The following MDFIC variants were observed in gnomAD, a reference collection of about 807,000 sequenced individuals.
MDFIC encodes the protein MyoD family inhibitor domain containing, also known as myoD family inhibitor domain-containing protein.
Under a neutral mutation model 23.2 loss-of-function variants are expected in MDFIC, and 17 were observed. The observed-to-expected ratio is 0.73, with a 90% confidence interval of 0.50 to 1.10. MDFIC has a LOEUF of 1.10. Among genes scored for constraint, MDFIC ranks in the 50% least tolerant of loss-of-function variants. The probability of loss-of-function intolerance (pLI) is 0.00; values close to 1 mark genes in which losing one functional copy is unlikely to be tolerated. For missense variants in MDFIC, 356 were observed against 316.6 expected, an observed-to-expected ratio of 1.12 and a Z score of -0.95; for synonymous variants, 120 against 115.2, an observed-to-expected ratio of 1.04 and a Z score of -0.27.
At chr7:114,936,284 T>C (rs1235034124) in intron 2 of MDFIC, among the ~76,000 whole-genome samples, 1 of 152,196 alleles carries the variant, frequency 6.6e-6, no homozygotes, top group Non-Finnish European at 1.5e-5. Context: ...ATTTGGACTT[T>C]TAAGTGGCAA....
rs544245912 is a variant in MDFIC at position 114,968,262 on chromosome 7, C to A, written c.218-11244C>A. On this transcript the variant is annotated intron_variant, in intron 3 of 4. Transcript: ENST00000393486. ...GAAGACAAAATCTAAAATTAATACCCCCCAAATCATGCTCCAAAAAATTAA... is the reference window on the plus strand; with the variant it reads ...GAAGACAAAATCTAAAATTAATACCACCCAAATCATGCTCCAAAAAATTAA... 6.6e-5 allele frequency among the ~76,000 whole-genome samples: 10 copies of A among 152,180 alleles called. No homozygotes were observed. The East Asian group carries it at 1.9e-3, about 29-fold the overall frequency.
chr7:114,961,276 A>G (rs1034953593), intron 3 of MDFIC, among the ~76,000 whole-genome samples: 1 of 152,154 alleles, frequency 6.6e-6, no homozygotes, highest in African/African-American at 2.4e-5. Flanking sequence ...CGAATTAGAG[A>G]ACATGTTAGT....
chr7:114,977,379 C>G (rs745715603), intron 3 of MDFIC, among the ~76,000 whole-genome samples: 1 of 152,032 alleles, frequency 6.6e-6, no homozygotes, highest in Non-Finnish European at 1.5e-5. Flanking sequence ...CTGTTGAAAA[C>G]CCCACTGCTG....
At chr7:114,951,249 T>G (rs200709953) in intron 3 of MDFIC, among the ~76,000 whole-genome samples, 1 of 6,906 alleles carries the variant, frequency 1.4e-4, no homozygotes, top group South Asian at 9.1e-3. Flanking sequence ...TGGTCATCTC[T>G]GGTTCTTTGC....
Position 115,019,033 on chromosome 7 carries a change from G to A in MDFIC, c.*3098G>A, listed in dbSNP as rs1053797465. On this transcript the variant is annotated 3_prime_UTR_variant, in exon 5 of 5. Transcript: ENST00000393486. ...AGTTTTTTTTTTTTACATCGTTTTAGTAAGTTAATTTCATTTATTTACTTT... is the reference window on the plus strand; with the variant it reads ...AGTTTTTTTTTTTTACATCGTTTTAATAAGTTAATTTCATTTATTTACTTT... 5 of 151,126 alleles carry A rather than the reference G, an allele frequency of 3.3e-5. No individual in the cohort carries two copies. The highest frequency in any genetic ancestry group is 1.2e-4 in the African/African-American group (5 of 41,150). 9.4% of individuals were successfully genotyped at this position (151,126 alleles called of 1,614,324 possible). A position where few individuals can be genotyped will look rare whatever the true frequency, so the allele number is the denominator to read the frequency against.
In MDFIC at chr7:114,943,893, C is replaced by T. The variant is rs180781413; in HGVS notation, c.217+1496C>T. 4.6e-5 allele frequency among the ~76,000 whole-genome samples: 7 copies of T among 151,804 alleles called. No homozygotes were observed. The East Asian group carries it at 1.4e-3, about 29-fold the overall frequency. On this transcript the variant is annotated intron_variant, in intron 3 of 4. Coordinates refer to ENST00000393486, the MANE Select transcript of MDFIC (RefSeq NM_001166345.3). ...TTCCTTAATCTCTTTTCCTAGGGCC[C>T]ACAATAGGAAAATGTGAATAAGATT...
intron 3 of MDFIC, among the ~76,000 whole-genome samples, chr7:114,972,173 G>A (rs545338951): frequency 1.3e-5 from 2 of 152,198 alleles, no homozygotes; most frequent in African/African-American, 2.4e-5. Context: ...ACTTTTGTAA[G>A]ACCACAGAAA....
At chr7:114,997,660 A>G (rs552783509) in intron 4 of MDFIC, among the ~76,000 whole-genome samples, 39 of 151,818 alleles carry the variant, frequency 2.6e-4, no homozygotes, top group Non-Finnish European at 4.9e-4. Flanking sequence ...AGACAGGAGC[A>G]TCACTTGAAT....
chr7:114,969,420 A>C (rs1260820445), intron 3 of MDFIC, among the ~76,000 whole-genome samples: 1 of 152,184 alleles, frequency 6.6e-6, no homozygotes, highest in African/African-American at 2.4e-5. Flanking sequence ...GCTCTTTGTC[A>C]GCATATATGT....
chr7:114,955,958 C>T (rs1792875450), intron 3 of MDFIC, among the ~76,000 whole-genome samples: 1 of 152,132 alleles, frequency 6.6e-6, no homozygotes, highest in African/African-American at 2.4e-5. Flanking sequence ...AAAAGTCAAG[C>T]AACTGACCTG....
chr7:114,951,996 TGG>T (rs1364636939), intron 3 of MDFIC, among the ~76,000 whole-genome samples: 5 of 152,224 alleles, frequency 3.3e-5, no homozygotes, highest in Non-Finnish European at 7.3e-5. Context: ...TTCTAAGTGC[TGG>T]GCTTGCCACA....
At chr7:114,989,325 G>T (rs1793564868) in intron 4 of MDFIC, among the ~76,000 whole-genome samples, 1 of 152,160 alleles carries the variant, frequency 6.6e-6, no homozygotes, top group Non-Finnish European at 1.5e-5. Flanking sequence ...CTTATTAAGA[G>T]TTGTTTTCAT....
intron 4 of MDFIC, among the ~76,000 whole-genome samples, chr7:114,990,629 GA>G (rs1793591200): frequency 6.6e-6 from 1 of 152,118 alleles, no homozygotes; most frequent in African/African-American, 2.4e-5. Context: ...ATAGTTTGCT[GA>G]AAATGATGGT....
chr7:114,955,163 C>G (rs1309967393), intron 3 of MDFIC, among the ~76,000 whole-genome samples: 3 of 152,200 alleles, frequency 2.0e-5, no homozygotes, highest in Non-Finnish European at 4.4e-5. Flanking sequence ...TCTGCTGGCT[C>G]TAAGTTGTAC....
At position 114,922,620 on chromosome 7, in the gene MDFIC, T is replaced by A; in HGVS notation, c.-124T>A. 1 of 1,282,250 alleles carries A rather than the reference T, an allele frequency of 7.8e-7. No homozygotes were observed. The highest frequency in any genetic ancestry group is 9.9e-7 in the Non-Finnish European group (1 of 1,008,200). The allele number at this position is 1,282,250 out of a possible 1,614,324, so 79.4% of individuals were successfully genotyped here. On this transcript the variant is annotated 5_prime_UTR_variant, in exon 1 of 5. Transcript: ENST00000393486. Reference sequence around the variant, plus strand: ...GGAGGAGGAAGGGGCTTGGAGCGACTACGGGGGGATGCGGAGGTAGGTAGT... The same window carrying A: ...GGAGGAGGAAGGGGCTTGGAGCGACAACGGGGGGATGCGGAGGTAGGTAGT...
chr7:114,963,803 T>A (rs935293153), intron 3 of MDFIC, among the ~76,000 whole-genome samples: 1 of 152,114 alleles, frequency 6.6e-6, no homozygotes, highest in Non-Finnish European at 1.5e-5. Flanking sequence ...TGGTCTTGAA[T>A]TCATGGCCTC....
At chr7:114,957,914 T>G (rs1554472882) in intron 3 of MDFIC, among the ~76,000 whole-genome samples, 1 of 152,178 alleles carries the variant, frequency 6.6e-6, no homozygotes, top group Non-Finnish European at 1.5e-5. Context: ...ATTATTTGCT[T>G]GTGTAAGAAT....
Position 114,922,514 on chromosome 7 carries a change from C to G in MDFIC, c.-230C>G. ...GCGGGAGGACGCGCAGGGGCGGCCG[C>G]CGCCGTCGTCAGGCCACCGGGGCGA... On this transcript the variant is annotated 5_prime_UTR_variant, in exon 1 of 5. Coordinates refer to ENST00000393486, the MANE Select transcript of MDFIC (RefSeq NM_001166345.3). 8.0e-7 allele frequency: 1 copy of G among 1,257,620 alleles called. No homozygotes were observed. The highest frequency in any genetic ancestry group is 1.0e-6 in the Non-Finnish European group (1 of 994,954). 77.9% of individuals were successfully genotyped at this position (1,257,620 alleles called of 1,614,324 possible).
chr7:114,938,931 A>G (rs1487690892), intron 2 of MDFIC, among the ~76,000 whole-genome samples: 2 of 152,208 alleles, frequency 1.3e-5, no homozygotes, highest in Non-Finnish European at 2.9e-5. Flanking sequence ...ATTGGTTACT[A>G]GAAACTTCCA....
Sources: gnomAD v4.1 joint callset for allele counts (sites outside exome capture counted in the v4.1 genomes callset) on GRCh38, gnomAD v4.1.1 for gene constraint, MANE v1.5 for transcripts, NCBI Gene and HGNC (gene_info 2026-07-23, HGNC 2026-07-21) for gene names.